PKIB: variants seen among roughly 807,000 people sequenced by gnomAD.
PKIB encodes cAMP-dependent protein kinase inhibitor beta.
In PKIB, 2 loss-of-function variants were observed where a neutral mutation model predicts 4.5. That is an observed-to-expected ratio of 0.44 (90% CI 0.18 to 1.39). The LOEUF is 1.39. PKIB is among the 40% of genes most tolerant of loss of function. The pLI is 0.27. For synonymous variants in PKIB, 38 were observed against 36.0 expected, an observed-to-expected ratio of 1.06 and a Z score of -0.20; for missense variants, 94 against 92.6, an observed-to-expected ratio of 1.02 and a Z score of -0.06.
chr6:122,630,747 C>T (rs1457663506), intron 1 of PKIB, among the ~76,000 whole-genome samples: 1 of 152,166 alleles, frequency 6.6e-6, no homozygotes, highest in African/African-American at 2.4e-5. Context: ...AAAATCGGTA[C>T]TGCACGGATA....
rs567475314 is a variant in PKIB, at chr6:122,531,194, G to A, written c.-248+53255G>A. The A allele has an allele frequency of 2.0e-5, 3 of 152,240 alleles. No individual in the cohort carries two copies. In the East Asian group the frequency reaches 5.8e-4, roughly 29 times the overall value. The allele number at this position is 152,240 out of a possible 1,614,324, so 9.4% of individuals were successfully genotyped here. ...ATATCACAAAAGAAAATATGTATGT[G>A]AAATTTTTTGAAAACATGGGAATTC... On this transcript the variant is annotated intron_variant, in intron 2 of 6. Transcript: ENST00000392491.
At chr6:122,690,361 C>G (rs1778279693) in intron 3 of PKIB, among the ~76,000 whole-genome samples, 1 of 151,870 alleles carries the variant, frequency 6.6e-6, no homozygotes, top group African/African-American at 2.4e-5. Context: ...ATGATTTTCT[C>G]TGGTGGCATA....
At chr6:122,614,809 C>A (rs1043340464) in intron 1 of PKIB, among the ~76,000 whole-genome samples, 5 of 151,954 alleles carry the variant, frequency 3.3e-5, no homozygotes, top group Admixed American at 3.3e-4. Context: ...TGTGTATGTG[C>A]ATGTGTGTGT....
intron 2 of PKIB, among the ~76,000 whole-genome samples, chr6:122,521,940 C>G (rs117435256): frequency 9.9e-5 from 15 of 152,244 alleles, no homozygotes; most frequent in African/African-American, 7.2e-5. Flanking sequence ...CTTCAAGGCT[C>G]TCGTCTCCTT....
chr6:122,647,185 G>A (rs903784270), intron 2 of PKIB, among the ~76,000 whole-genome samples: 4 of 152,120 alleles, frequency 2.6e-5, no homozygotes, highest in African/African-American at 9.7e-5. Flanking sequence ...TCAGTCCACA[G>A]GTAGAATTTC....
intron 2 of PKIB, among the ~76,000 whole-genome samples, chr6:122,558,418 A>G (rs561951502): frequency 6.6e-6 from 1 of 152,312 alleles, no homozygotes; most frequent in East Asian, 1.9e-4. Context: ...TTAAGCAGCA[A>G]TTGTGGATTC....
intron 3 of PKIB, among the ~76,000 whole-genome samples, chr6:122,712,142 G>A (rs1316981708): frequency 6.6e-6 from 1 of 152,170 alleles, no homozygotes; most frequent in Non-Finnish European, 1.5e-5. Context: ...TTACATTTTA[G>A]GAGTGGGTAA....
chr6:122,556,446 C>T (rs1772843430), intron 2 of PKIB, among the ~76,000 whole-genome samples: 1 of 152,160 alleles, frequency 6.6e-6, no homozygotes, highest in African/African-American at 2.4e-5. Flanking sequence ...TTTTTAGAAA[C>T]AACAAACTTC....
intron 2 of PKIB, among the ~76,000 whole-genome samples, chr6:122,506,159 T>A (rs532807104): frequency 8.1e-4 from 123 of 152,318 alleles, no homozygotes; most frequent in Admixed American, 2.6e-3. Flanking sequence ...AAACTTTTTT[T>A]AAATCTTTAC....
At chr6:122,520,661 T>TCTCTCC (rs1776908092) in intron 2 of PKIB, among the ~76,000 whole-genome samples, 2 of 55,544 alleles carry the variant, frequency 3.6e-5, no homozygotes, top group African/African-American at 6.0e-5. Context: ...AAGTTTATGT[T>TCTCTCC]CCCACCCCCC....
In PKIB at chr6:122,494,502, T is replaced by C. The variant is rs189527366; in HGVS notation, c.-248+16563T>C. ...ACTAAAGAGAATTGTCTCAACAAAATGCCAAAAATACCCCCTTGGGAAATA... is the reference window on the plus strand; with the variant it reads ...ACTAAAGAGAATTGTCTCAACAAAACGCCAAAAATACCCCCTTGGGAAATA... On this transcript the variant is annotated intron_variant, in intron 2 of 6. Coordinates refer to the PKIB transcript ENST00000392491. Among the ~76,000 whole-genome samples, 1,074 of 152,240 alleles carry C rather than the reference T, an allele frequency of 7.1e-3. 8 individuals are homozygous for C. Among genetic ancestry groups the C allele is most frequent in the Non-Finnish European group, 0.012 (787 of 67,998 alleles).
At chr6:122,537,189 T>G (rs544514403) in intron 2 of PKIB, among the ~76,000 whole-genome samples, 1 of 152,260 alleles carries the variant, frequency 6.6e-6, no homozygotes, top group South Asian at 2.1e-4. Flanking sequence ...TATTATACTT[T>G]AAGTTTTAGG....
intron 2 of PKIB, among the ~76,000 whole-genome samples, chr6:122,575,439 CATT>C (rs1773499592): frequency 6.6e-6 from 1 of 151,206 alleles, no homozygotes; most frequent in South Asian, 2.1e-4. Context: ...GAAAGTAAGT[CATT>C]ATATGAAAAA....
At position 122,649,467 on chromosome 6, in the gene PKIB, A is replaced by G. The variant is rs149686163; in HGVS notation, c.-76+16100A>G. On this transcript the variant is annotated intron_variant, in intron 2 of 4. Coordinates refer to ENST00000368452, the MANE Select transcript of PKIB (RefSeq NM_181795.3). ...CTCTGAAATCTTGTTTCCTCAGTCA[A>G]TTGGTTGCTGGGAACTCCCCAGGAG... Among the ~76,000 whole-genome samples, 1,247 of 152,280 alleles carry G rather than the reference A, an allele frequency of 8.2e-3. 4 individuals are homozygous for G. Among genetic ancestry groups the G allele is most frequent in the Middle Eastern group, 0.014 (4 of 294 alleles).
intron 4 of PKIB, among the ~76,000 whole-genome samples, chr6:122,718,811 A>G (rs1011184151): frequency 6.6e-6 from 1 of 152,108 alleles, no homozygotes; most frequent in Non-Finnish European, 1.5e-5. Flanking sequence ...GTAAAGTTGC[A>G]AATGTTCCTG....
upstream of PKIB, chr6:122,610,093 A>C (rs1774683635): frequency 6.6e-6 from 1 of 152,212 alleles, no homozygotes; most frequent in Admixed American, 6.5e-5. Context: ...CGTCACAGAA[A>C]TCTTAGCAGA....
intron 2 of PKIB, among the ~76,000 whole-genome samples, chr6:122,673,815 A>G (rs13194706): frequency 0.055 from 8,320 of 152,302 alleles, 251 homozygotes; most frequent in East Asian, 0.13. Flanking sequence ...TTTGCAGCAG[A>G]AAAGCAGACA....
intron 2 of PKIB, among the ~76,000 whole-genome samples, chr6:122,554,270 C>T (rs1243984893): frequency 6.6e-6 from 1 of 152,150 alleles, no homozygotes; most frequent in Non-Finnish European, 1.5e-5. Flanking sequence ...TTAATTCCAC[C>T]TATAAAGCAA....
intron 2 of PKIB, among the ~76,000 whole-genome samples, chr6:122,566,589 T>A (rs1773201532): frequency 6.6e-6 from 1 of 151,842 alleles, no homozygotes; most frequent in Non-Finnish European, 1.5e-5. Context: ...TCCCAGAAAA[T>A]TGTATTACCA....
Sources: gnomAD v4.1 joint callset for allele counts (sites outside exome capture counted in the v4.1 genomes callset) on GRCh38, gnomAD v4.1.1 for gene constraint, MANE v1.5 for transcripts, NCBI Gene and HGNC (gene_info 2026-07-23, HGNC 2026-07-21) for gene names.